Variants in HPCAL1 observed in about 807,000 individuals in gnomAD.
HPCAL1 encodes the protein hippocalcin-like protein 1.
In HPCAL1, 8 loss-of-function variants were observed where a neutral mutation model predicts 17.1. The observed-to-expected ratio is 0.47, with a 90% CI of 0.27 to 0.84. The LOEUF (loss-of-function observed/expected upper bound fraction) is 0.84, where lower values mean the gene tolerates loss of function less well. HPCAL1 is among the 40% of genes least tolerant of loss of function. The pLI is 0.13. For synonymous variants in HPCAL1, 112 were observed against 111.4 expected, an observed-to-expected ratio of 1.01 and a Z score of -0.03; for missense variants, 165 against 271.1, an observed-to-expected ratio of 0.61 and a Z score of 2.75.
At chr2:10,348,170 C>T (rs1428232558) in intron 1 of HPCAL1, among the ~76,000 whole-genome samples, 1 of 152,144 alleles carries the variant, frequency 6.6e-6, no homozygotes, top group Non-Finnish European at 1.5e-5. Flanking sequence ...AGGGGCCAGC[C>T]CGGGCACAGT....
In HPCAL1 at chr2:10,374,712, G is replaced by C. The variant is rs960015210; in HGVS notation, c.-110-22123G>C. On this transcript the variant is annotated intron_variant, in intron 1 of 4. Transcript: ENST00000307845. ...TGGGGTTGAGCTGGGCACCAGCAGG[G>C]AGGTCTCAGAGTGGAGGCGGCAGTT... Among the ~76,000 whole-genome samples the C allele has an allele frequency of 1.3e-5, 2 of 152,246 alleles. 1 individual carries two copies. Among genetic ancestry groups the C allele is most frequent in the African/African-American group, 4.8e-5 (2 of 41,464 alleles).
intron 1 of HPCAL1, among the ~76,000 whole-genome samples, chr2:10,386,718 G>A (rs534122351): frequency 6.6e-6 from 1 of 152,294 alleles, no homozygotes; most frequent in African/African-American, 2.4e-5. Context: ...CAGGGGCCTT[G>A]GAGCTTGGTG....
Position 10,413,746 on chromosome 2 carries a change from A to G in HPCAL1, c.-24-5988A>G, listed in dbSNP as rs557105755. 3.3e-5 allele frequency among the ~76,000 whole-genome samples: 5 copies of G among 152,344 alleles called. No homozygotes were observed. The East Asian group carries it at 5.8e-4, about 18-fold the overall frequency. On this transcript the variant is annotated intron_variant, in intron 2 of 4. Transcript: ENST00000307845. The stretch of plus-strand genomic sequence containing the variant: ...TAAGTGTTATGAGTTTGGCATTCCA[A>G]TGGGATCGGTAAGAACATAAATCAC...
At position 10,343,908 on chromosome 2, in the gene HPCAL1, TG is replaced by T. The variant is rs1665245513; in HGVS notation, c.-111+40732del. Among the ~76,000 whole-genome samples the T allele has an allele frequency of 6.6e-6, 1 of 151,992 alleles. No individual in the cohort carries two copies. The highest frequency in any genetic ancestry group is 2.4e-5 in the African/African-American group (1 of 41,378). Reference sequence around the variant, plus strand: ...GCTTCCCAAGCAAGCAGTTCTGGAGTGAGGCTTGGGCCTCCATGCCTCCTGG... The same window carrying T: ...GCTTCCCAAGCAAGCAGTTCTGGAGTAGGCTTGGGCCTCCATGCCTCCTGG... On this transcript the variant is annotated intron_variant, in intron 1 of 4. Coordinates refer to ENST00000307845, the MANE Select transcript of HPCAL1 (RefSeq NM_002149.4). This position sits in a 1 kb window ranked among gnomAD's most constrained non-coding sequence, Gnocchi z 4.8.
intron 1 of HPCAL1, among the ~76,000 whole-genome samples, chr2:10,312,589 C>T (rs1036859696): frequency 2.0e-5 from 3 of 150,316 alleles, no homozygotes; most frequent in African/African-American, 7.4e-5. Context: ...ATCACCATCA[C>T]TGTCATCATC....
At chr2:10,404,780 C>G (rs1249087882) in intron 2 of HPCAL1, among the ~76,000 whole-genome samples, 1 of 152,222 alleles carries the variant, frequency 6.6e-6, no homozygotes, top group Non-Finnish European at 1.5e-5. Context: ...TCACCCTGCC[C>G]CAGCTGGATG....
chr2:10,419,740 T>A lies in HPCAL1; in HGVS notation c.-18T>A, dbSNP rs1670916274. On this transcript the variant is annotated 5_prime_UTR_variant, in exon 3 of 5. Coordinates refer to ENST00000307845, the MANE Select transcript of HPCAL1 (RefSeq NM_002149.4). The surrounding 1 kb of genome is among the most constrained non-coding windows in gnomAD (Gnocchi z 5.0). ...CTGACCCCCTGTCTTGCAGGTGTAG[T>A]CGCCGCCGCCAGCCGCCATGGGCAA... is the stretch of plus-strand genomic sequence containing the variant. The A allele has an allele frequency of 1.9e-6, 3 of 1,595,968 alleles. No homozygotes were observed. Among genetic ancestry groups the A allele is most frequent in the Non-Finnish European group, 2.6e-6 (3 of 1,170,238 alleles).
rs370854647 is a variant in HPCAL1, at chr2:10,387,861, T to C, written c.-110-8974T>C. 3.3e-5 allele frequency among the ~76,000 whole-genome samples: 5 copies of C among 152,334 alleles called. No homozygotes were observed. The East Asian group carries it at 9.6e-4, about 29-fold the overall frequency. On this transcript the variant is annotated intron_variant, in intron 1 of 4. Coordinates refer to ENST00000307845, the MANE Select transcript of HPCAL1 (RefSeq NM_002149.4). ...TTTGCTCAACTGCACGATGGAAGGG[T>C]TGGGCAAGATGGATCTTTCCTTTCT... is the stretch of plus-strand genomic sequence containing the variant.
intron 2 of HPCAL1, among the ~76,000 whole-genome samples, chr2:10,397,440 T>C (rs894473427): frequency 9.2e-5 from 14 of 151,612 alleles, no homozygotes; most frequent in Admixed American, 2.0e-4. Context: ...GAGCTGGGCA[T>C]GTGGCTCTCC....
rs35633004 is a variant in HPCAL1 at position 10,394,131 on chromosome 2, CA to C, written c.-110-2694del. ...TCCTGTCTCCTGAAAAACAAACAAA[CA>C]AAAAAAAAACCTTGTAACTAACCAG... On this transcript the variant is annotated intron_variant, in intron 1 of 4. Coordinates refer to ENST00000307845, the MANE Select transcript of HPCAL1 (RefSeq NM_002149.4). The surrounding 1 kb of genome is among the most constrained non-coding windows in gnomAD (Gnocchi z 5.0). Among the ~76,000 whole-genome samples the C allele has an allele frequency of 0.65, 97,930 of 150,576 alleles. 32,369 individuals carry two copies. Among genetic ancestry groups the C allele is most frequent in the East Asian group, 0.77 (3,961 of 5,120 alleles).
intron 1 of HPCAL1, among the ~76,000 whole-genome samples, chr2:10,357,983 G>C (rs1031097340): frequency 7.2e-5 from 11 of 152,224 alleles, no homozygotes; most frequent in Non-Finnish European, 4.4e-5. Context: ...ACCAGCCCCA[G>C]GGCTGAAACC....
intron 2 of HPCAL1, among the ~76,000 whole-genome samples, chr2:10,398,767 T>C (rs1572813441): frequency 6.6e-6 from 1 of 152,156 alleles, no homozygotes; most frequent in Admixed American, 6.5e-5. Flanking sequence ...TCCTTCCGCT[T>C]TCTCCTTGCC....
intron 1 of HPCAL1, among the ~76,000 whole-genome samples, chr2:10,309,481 T>A (rs1022656389): frequency 6.6e-6 from 1 of 152,234 alleles, no homozygotes; most frequent in Non-Finnish European, 1.5e-5. Flanking sequence ...TGCCCTTTTA[T>A]GGCCTTGCCT....
intron 2 of HPCAL1, among the ~76,000 whole-genome samples, chr2:10,404,040 T>C (rs1669812614): frequency 6.6e-6 from 1 of 152,168 alleles, no homozygotes; most frequent in Non-Finnish European, 1.5e-5. Context: ...TATTGCTCTA[T>C]ACACTGCTCC....
intron 1 of HPCAL1, among the ~76,000 whole-genome samples, chr2:10,366,569 C>T (rs953026244): frequency 9.9e-5 from 15 of 152,276 alleles, no homozygotes; most frequent in Admixed American, 8.5e-4. Context: ...TCTGGTTCTC[C>T]CAGATGAGGT....
chr2:10,391,729 A>G (rs1668707317), intron 1 of HPCAL1, among the ~76,000 whole-genome samples: 1 of 152,136 alleles, frequency 6.6e-6, no homozygotes. Context: ...TGTGTCTGGC[A>G]TCTTTCATTA....
intron 1 of HPCAL1, among the ~76,000 whole-genome samples, chr2:10,357,428 A>G (rs887982): frequency 0.75 from 114,787 of 152,176 alleles, 43,519 homozygotes; most frequent in East Asian, 0.99. Flanking sequence ...GATGTGGGCC[A>G]GGGAAGCTGT....
rs1332669971 is a variant in HPCAL1 at position 10,330,542 on chromosome 2, C to T, written c.-111+27365C>T. 3.3e-5 allele frequency among the ~76,000 whole-genome samples: 5 copies of T among 152,048 alleles called. No individual in the cohort carries two copies. The highest frequency in any genetic ancestry group is 1.3e-4 in the Admixed American group (2 of 15,272). Reference sequence around the variant, plus strand: ...GGGTGGCGGCAGGGTTGGTGTCACCCGAGGCCTCTCTCCTCGGCTCCGTGT... The same window carrying T: ...GGGTGGCGGCAGGGTTGGTGTCACCTGAGGCCTCTCTCCTCGGCTCCGTGT... On this transcript the variant is annotated intron_variant, in intron 1 of 4. Coordinates refer to ENST00000307845, the MANE Select transcript of HPCAL1 (RefSeq NM_002149.4). The surrounding 1 kb of genome is among the most constrained non-coding windows in gnomAD (Gnocchi z 4.2).
chr2:10,343,171 C>T lies in HPCAL1; in HGVS notation c.-111+39994C>T, dbSNP rs79163106. On this transcript the variant is annotated intron_variant, in intron 1 of 4. Transcript: ENST00000307845. The surrounding 1 kb of genome is among the most constrained non-coding windows in gnomAD (Gnocchi z 4.8). ...CACTGTCACAATATTAAAATAACTTCCATGGTAGTTGGTAAATAGCCCCAT... is the reference window on the plus strand; with the variant it reads ...CACTGTCACAATATTAAAATAACTTTCATGGTAGTTGGTAAATAGCCCCAT... Among the ~76,000 whole-genome samples the T allele has an allele frequency of 0.061, 9,215 of 152,196 alleles. 780 individuals are homozygous for T. The highest frequency in any genetic ancestry group is 0.19 in the African/African-American group (7,847 of 41,478).
Sources: allele counts gnomAD v4.1 joint callset (sites outside exome capture counted in the v4.1 genomes callset), GRCh38; gene constraint gnomAD v4.1.1; non-coding constraint Gnocchi (gnomAD v3.1); transcripts MANE v1.5; gene names NCBI Gene and HGNC (gene_info 2026-07-23, HGNC 2026-07-21).